Variants in FRMPD4 observed in about 807,000 individuals in gnomAD.
The protein encoded by FRMPD4 is FERM and PDZ domain-containing protein 4.
In FRMPD4, 22 loss-of-function variants were observed where a neutral mutation model predicts 94.1. The ratio of observed to expected loss-of-function variants is 0.23; its 90% confidence interval spans 0.17 to 0.33. FRMPD4 has a LOEUF of 0.33. FRMPD4 is among the 10% of genes least tolerant of loss of function. The pLI, the probability that FRMPD4 is intolerant of heterozygous loss-of-function variation, is 1.00. For synonymous variants in FRMPD4, 631 were observed against 548.6 expected (o/e 1.15, Z -2.10); for missense variants, 1,111 against 1,339.9 (o/e 0.83, Z 2.67).
rs1484218020 is a variant in FRMPD4, at chrX:12,718,197, G to A, written c.3371G>A (p.Arg1124Lys). 8.3e-7 allele frequency: 1 copy of A among 1,211,455 alleles called. No individual in the cohort carries two copies. The highest frequency in any genetic ancestry group is 2.2e-5 in the Admixed American group (1 of 46,110). Residue 1124 changes from arginine to lysine, a missense_variant, in exon 16 of 17, where the codon AGG becomes AAG. Arg to Lys is a conservative substitution (Grantham distance 26). Coordinates refer to ENST00000675598, the MANE Select transcript of FRMPD4 (RefSeq NM_001368397.1). ...CCAAGAGCTTCTGGTCTTGGGGCAA[G>A]GGAGGCCGAAGGGAAGGAAGAAGGA... ...TFPRASGLGA[R>K]EAEGKEEGAP...
At chrX:12,002,530 T>C (rs999870208) in intron 3 of FRMPD4, among the ~76,000 whole-genome samples, 16 of 112,479 alleles carry the variant, frequency 1.4e-4, no homozygotes, top group African/African-American at 5.2e-4. Flanking sequence ...GTCTACCTTA[T>C]GCCCAATTTT....
At chrX:11,856,340 CAA>C (rs1317288178) in intron 1 of FRMPD4, among the ~76,000 whole-genome samples, 2 of 111,719 alleles carry the variant, frequency 1.8e-5, no homozygotes, top group Non-Finnish European at 3.8e-5. Context: ...AGCAGCACAG[CAA>C]AAAGTTTATC....
chrX:12,619,925 G>A (rs903117450), intron 4 of FRMPD4, among the ~76,000 whole-genome samples: 14 of 112,125 alleles, frequency 1.2e-4, no homozygotes, highest in Non-Finnish European at 1.9e-4. Flanking sequence ...AGGAGCAGTC[G>A]TGCCCACCCA....
intron 3 of FRMPD4, among the ~76,000 whole-genome samples, chrX:12,123,923 A>G (rs1054865379): frequency 1.5e-4 from 17 of 111,601 alleles, no homozygotes; most frequent in African/African-American, 4.9e-4. Context: ...GGAAACTCCA[A>G]TGACTTCCCA....
chrX:12,116,428 A>G (rs1452841488), intron 3 of FRMPD4, among the ~76,000 whole-genome samples: 1 of 112,454 alleles, frequency 8.9e-6, no homozygotes, highest in Non-Finnish European at 1.9e-5. Flanking sequence ...ATAATATGAG[A>G]ACAAAGGCAT....
intron 1 of FRMPD4, among the ~76,000 whole-genome samples, chrX:12,218,166 G>T (rs1307934747): frequency 2.7e-5 from 3 of 111,683 alleles, no homozygotes; most frequent in Non-Finnish European, 5.6e-5. Flanking sequence ...ATCAAGACAA[G>T]AATTTATGAA....
intron 1 of FRMPD4, among the ~76,000 whole-genome samples, chrX:12,450,697 T>C (rs971922056): frequency 2.7e-5 from 3 of 110,143 alleles, no homozygotes; most frequent in African/African-American, 9.9e-5. Flanking sequence ...AAGCTGACTA[T>C]TGGATAGCAG....
intron 3 of FRMPD4, among the ~76,000 whole-genome samples, chrX:12,081,650 T>C (rs901091840): frequency 8.9e-6 from 1 of 111,798 alleles, no homozygotes; most frequent in African/African-American, 3.2e-5. Context: ...TCTTTTGGTA[T>C]GATTTTAGAT....
At chrX:12,445,611 T>C (rs929876354) in intron 1 of FRMPD4, among the ~76,000 whole-genome samples, 35 of 112,453 alleles carry the variant, frequency 3.1e-4, no homozygotes, top group African/African-American at 1.1e-3. Flanking sequence ...CCCTATTTTA[T>C]AGCAGATGCA....
intron 4 of FRMPD4, among the ~76,000 whole-genome samples, chrX:12,620,952 G>A (rs951846707): frequency 8.9e-6 from 1 of 112,387 alleles, no homozygotes; most frequent in Non-Finnish European, 1.9e-5. Flanking sequence ...CGGGTGCAGT[G>A]ACTCAAGTTT....
intron 2 of FRMPD4, among the ~76,000 whole-genome samples, chrX:12,545,983 G>T (rs751810049): frequency 1.8e-5 from 2 of 112,191 alleles, no homozygotes; most frequent in Non-Finnish European, 3.8e-5. Flanking sequence ...ACCACTGCTG[G>T]TAACAGCTGG....
At chrX:12,576,069 C>G (rs1216119101) in intron 2 of FRMPD4, among the ~76,000 whole-genome samples, 1 of 112,209 alleles carries the variant, frequency 8.9e-6, no homozygotes, top group Non-Finnish European at 1.9e-5. Context: ...CCAGGGAGGA[C>G]TGACCCCAGG....
chrX:11,881,145 C>G (rs141099903), intron 3 of FRMPD4, among the ~76,000 whole-genome samples: 42 of 112,413 alleles, frequency 3.7e-4, no homozygotes, highest in Middle Eastern at 4.6e-3. Context: ...GCTGACAATT[C>G]CAAATGCTGG....
intron 2 of FRMPD4, among the ~76,000 whole-genome samples, chrX:12,554,908 C>G (rs966374559): frequency 2.7e-5 from 3 of 111,570 alleles, no homozygotes; most frequent in Admixed American, 9.5e-5. Context: ...AGCCACCATG[C>G]CTGGTCATGT....
At chrX:11,899,384 T>C (rs2053921471) in intron 3 of FRMPD4, among the ~76,000 whole-genome samples, 1 of 20,582 alleles carries the variant, frequency 4.9e-5, no homozygotes, top group African/African-American at 2.7e-4. Flanking sequence ...TGATGTTGAC[T>C]TTTTTTTTTT....
chrX:12,087,115 C>T (rs1269143076), intron 3 of FRMPD4, among the ~76,000 whole-genome samples: 1 of 111,409 alleles, frequency 9.0e-6, no homozygotes, highest in Non-Finnish European at 1.9e-5. Flanking sequence ...CCAGCACCTT[C>T]ACCATCTTCT....
intron 1 of FRMPD4, among the ~76,000 whole-genome samples, chrX:11,857,233 G>T (rs1195843908): frequency 9.0e-6 from 1 of 111,403 alleles, no homozygotes; most frequent in South Asian, 3.7e-4. Flanking sequence ...GAACCAAAAA[G>T]GAGCCCGAAT....
chrX:12,542,245 C>T (rs1437367979), intron 2 of FRMPD4, among the ~76,000 whole-genome samples: 1 of 111,773 alleles, frequency 8.9e-6, no homozygotes, highest in Non-Finnish European at 1.9e-5. Context: ...CCAGGGCAAT[C>T]AGGCAGCAGA....
rs984115863 is a variant in FRMPD4 at position 12,169,559 on chromosome X, C to T, written c.41+30547C>T. Among the ~76,000 whole-genome samples the T allele has an allele frequency of 7.2e-5, 8 of 111,697 alleles. No homozygotes were observed. In the Admixed American group the frequency reaches 7.6e-4, roughly 11 times the overall value. On this transcript the variant is annotated intron_variant, in intron 1 of 16. Transcript: ENST00000675598. The stretch of plus-strand genomic sequence containing the variant: ...TTATTGGAACACAACCACACCCATC[C>T]ATTTGTGTATTTCCATGGCTGCTTT...
Sources: allele counts gnomAD v4.1 joint callset (sites outside exome capture counted in the v4.1 genomes callset), GRCh38; gene constraint gnomAD v4.1.1; transcripts MANE v1.5; gene names NCBI Gene and HGNC (gene_info 2026-07-23, HGNC 2026-07-21).